The following CTNNA2 variants were observed in gnomAD, a reference collection of about 807,000 sequenced individuals.
CTNNA2 encodes the protein catenin alpha-2.
CTNNA2 carries 42 observed loss-of-function variants against 101.0 expected under a neutral mutation model. The observed-to-expected ratio is 0.42, with a 90% CI of 0.32 to 0.54. The LOEUF (loss-of-function observed/expected upper bound fraction) is 0.54. CTNNA2 is among the 20% of genes least tolerant of loss of function. CTNNA2 has a pLI of 0.14. For missense variants in CTNNA2, 871 were observed against 1,223.1 expected (o/e 0.71, Z 4.29); for synonymous variants, 450 against 456.4 (o/e 0.99, Z 0.18).
chr2:79,854,229 T>C (rs1255027554), intron 3 of CTNNA2, among the ~76,000 whole-genome samples: 2 of 152,226 alleles, frequency 1.3e-5, no homozygotes, highest in African/African-American at 4.8e-5. Flanking sequence ...AACCAAAATA[T>C]ACACTTTTAA....
intron 14 of CTNNA2, 120 bp downstream of exon 14, chr2:80,581,939 T>A: frequency 1.6e-6 from 1 of 637,292 alleles, no homozygotes. Flanking sequence ...CAGAAATCTG[T>A]GCTCTCATCT....
intron 18 of CTNNA2, among the ~76,000 whole-genome samples, chr2:80,628,729 T>C (rs1671961615): frequency 6.6e-6 from 1 of 152,108 alleles, no homozygotes; most frequent in African/African-American, 2.4e-5. Context: ...CCAGCTTTTC[T>C]GGGAGGTAGA....
At chr2:80,226,615 A>G (rs142801904) in intron 7 of CTNNA2, among the ~76,000 whole-genome samples, 27 of 152,158 alleles carry the variant, frequency 1.8e-4, no homozygotes, top group African/African-American at 6.5e-4. Context: ...ACAGACAGCC[A>G]TGCTTTCTTG....
intron 7 of CTNNA2, among the ~76,000 whole-genome samples, chr2:80,165,407 C>T (rs1356613631): frequency 3.3e-5 from 5 of 151,716 alleles, no homozygotes; most frequent in Non-Finnish European, 5.9e-5. Flanking sequence ...TGTTTTGGTT[C>T]TAAAAGTTAC....
At chr2:80,281,101 T>C (rs1253058296) in intron 7 of CTNNA2, among the ~76,000 whole-genome samples, 1 of 152,178 alleles carries the variant, frequency 6.6e-6, no homozygotes, top group African/African-American at 2.4e-5. Context: ...AAATGCTGCC[T>C]CTTGGTTTCA....
chr2:79,197,479 A>G (rs1673976656), intron 1 of CTNNA2, among the ~76,000 whole-genome samples: 1 of 151,072 alleles, frequency 6.6e-6, no homozygotes, highest in South Asian at 2.1e-4. Flanking sequence ...AGAGGTTGTC[A>G]TTTGGTTTTC....
At chr2:79,925,111 T>C (rs901396803) in intron 7 of CTNNA2, among the ~76,000 whole-genome samples, 1 of 152,096 alleles carries the variant, frequency 6.6e-6, no homozygotes, top group South Asian at 2.1e-4. Flanking sequence ...TCCCAGTATA[T>C]TTAGAACCAC....
intron 2 of CTNNA2, among the ~76,000 whole-genome samples, chr2:79,256,359 C>G (rs748866888): frequency 1.3e-4 from 20 of 152,182 alleles, no homozygotes; most frequent in Non-Finnish European, 1.9e-4. Flanking sequence ...AGATATAACT[C>G]AGCCCCTCCT....
intron 7 of CTNNA2, among the ~76,000 whole-genome samples, chr2:80,111,845 G>A (rs112778470): frequency 4.6e-5 from 7 of 152,306 alleles, no homozygotes; most frequent in African/African-American, 1.4e-4. Context: ...ATATTTTTAC[G>A]TAGAGGTGTT....
chr2:79,811,494 A>G (rs1256551022), intron 3 of CTNNA2, among the ~76,000 whole-genome samples: 1 of 152,116 alleles, frequency 6.6e-6, no homozygotes, highest in Admixed American at 6.6e-5. Context: ...CTCAGATGGT[A>G]GTTTCTTTCG....
At chr2:79,540,804 T>C (rs988788818) in intron 1 of CTNNA2, among the ~76,000 whole-genome samples, 7 of 152,084 alleles carry the variant, frequency 4.6e-5, no homozygotes, top group Non-Finnish European at 1.0e-4. Flanking sequence ...ACCATTTAAC[T>C]CTTCAGTGAT....
chr2:79,989,349 G>C (rs550353008), intron 7 of CTNNA2, among the ~76,000 whole-genome samples: 1 of 152,176 alleles, frequency 6.6e-6, no homozygotes, highest in Non-Finnish European at 1.5e-5. Context: ...TAGGCTGGGC[G>C]CAGTGGCTCA....
chr2:80,222,166 C>A (rs1441571925), intron 7 of CTNNA2, among the ~76,000 whole-genome samples: 1 of 152,110 alleles, frequency 6.6e-6, no homozygotes, highest in African/African-American at 2.4e-5. Flanking sequence ...GTGACAAAAA[C>A]CAGGCTAGAA....
chr2:79,263,427 G>C (rs917753097), intron 2 of CTNNA2, among the ~76,000 whole-genome samples: 2 of 151,992 alleles, frequency 1.3e-5, no homozygotes, highest in African/African-American at 4.8e-5. Context: ...GCTCCCTTTT[G>C]CCCTCAGCCA....
chr2:79,332,551 A>G (rs922629130), intron 3 of CTNNA2, among the ~76,000 whole-genome samples: 1 of 152,178 alleles, frequency 6.6e-6, no homozygotes, highest in South Asian at 2.1e-4. Context: ...AAAAATCTTT[A>G]ATGTTTTCTT....
chr2:80,499,817 T>C (rs572826422), intron 9 of CTNNA2, among the ~76,000 whole-genome samples: 57 of 151,842 alleles, frequency 3.8e-4, no homozygotes, highest in Non-Finnish European at 6.0e-4. Flanking sequence ...TGAGACTCCA[T>C]CTCAAAAGAA....
intron 7 of CTNNA2, among the ~76,000 whole-genome samples, chr2:80,127,231 AG>A (rs1353113875): frequency 2.0e-5 from 3 of 152,152 alleles, no homozygotes; most frequent in African/African-American, 4.8e-5. Flanking sequence ...TTAGATCAAA[AG>A]GTTTTTTTTT....
chr2:79,212,218 GC>G (rs1674184154), intron 2 of CTNNA2, among the ~76,000 whole-genome samples: 1 of 152,100 alleles, frequency 6.6e-6, no homozygotes. Flanking sequence ...GTGTAAACCG[GC>G]AGTGTAAACA....
At chr2:80,600,547 CAG>C (rs1294762721) in intron 15 of CTNNA2, among the ~76,000 whole-genome samples, 1 of 151,872 alleles carries the variant, frequency 6.6e-6, no homozygotes, top group African/African-American at 2.4e-5. Flanking sequence ...AAAGACAACT[CAG>C]AGAAAATATA....
Sources: gnomAD v4.1 joint callset for allele counts (sites outside exome capture counted in the v4.1 genomes callset) on GRCh38, gnomAD v4.1.1 for gene constraint, MANE v1.5 for transcripts, NCBI Gene and HGNC (gene_info 2026-07-23, HGNC 2026-07-21) for gene names.